Variants in LRP1B observed in about 807,000 individuals in gnomAD.
LRP1B encodes low-density lipoprotein receptor-related protein 1B.
A neutral mutation model predicts 556.6 loss-of-function variants in LRP1B; 217 were observed. That is an observed-to-expected ratio of 0.39 (90% confidence interval 0.35 to 0.44). LRP1B has a LOEUF of 0.44. Ranked by LOEUF, LRP1B falls within the 20% of genes least tolerant of loss-of-function variation. LRP1B has a pLI of 1.00. For missense variants in LRP1B, 5,053 were observed against 5,620.8 expected (o/e 0.90, Z 3.23); for synonymous variants, 2,047 against 1,865.8 (o/e 1.10, Z -2.50).
intron 11 of LRP1B, among the ~76,000 whole-genome samples, chr2:141,040,063 A>C (rs534843437): frequency 2.1e-4 from 32 of 152,192 alleles, no homozygotes; most frequent in African/African-American, 7.2e-4. Context: ...CATTGATCTC[A>C]AGAGTTGCAA....
At chr2:140,655,989 C>G (rs975268593) in intron 41 of LRP1B, among the ~76,000 whole-genome samples, 9 of 151,790 alleles carry the variant, frequency 5.9e-5, no homozygotes, top group Non-Finnish European at 1.3e-4. Flanking sequence ...TATCTCTTTA[C>G]TAGTTTAATT....
At chr2:142,051,295 A>C (rs191256576) in intron 1 of LRP1B, among the ~76,000 whole-genome samples, 171 of 152,140 alleles carry the variant, frequency 1.1e-3, no homozygotes, top group African/African-American at 3.7e-3. Flanking sequence ...GTACATTTTA[A>C]ATGTGGAATC....
chr2:141,570,654 TC>T (rs1381393936), intron 2 of LRP1B, among the ~76,000 whole-genome samples: 3 of 151,100 alleles, frequency 2.0e-5, no homozygotes, highest in African/African-American at 7.2e-5. Context: ...CAAGCTAAGC[TC>T]CCCGGTTGGG....
chr2:142,126,173 G>T (rs1440356097), intron 1 of LRP1B, among the ~76,000 whole-genome samples: 3 of 151,744 alleles, frequency 2.0e-5, no homozygotes, highest in Non-Finnish European at 3.0e-5. Flanking sequence ...CACACAGTCA[G>T]ATTCTGTTAA....
chr2:141,171,584 G>A (rs1680499892), intron 7 of LRP1B, among the ~76,000 whole-genome samples: 1 of 151,934 alleles, frequency 6.6e-6, no homozygotes, highest in African/African-American at 2.4e-5. Flanking sequence ...CAGTCTTCTG[G>A]ATGAATGCTG....
At chr2:141,218,636 G>A (rs969753949) in intron 6 of LRP1B, among the ~76,000 whole-genome samples, 2 of 152,060 alleles carry the variant, frequency 1.3e-5, no homozygotes, top group Admixed American at 6.6e-5. Context: ...GAAGGGAAGG[G>A]GTAAAGGGAA....
At chr2:141,847,220 A>G (rs930960208) in intron 1 of LRP1B, among the ~76,000 whole-genome samples, 1 of 151,582 alleles carries the variant, frequency 6.6e-6, no homozygotes, top group Non-Finnish European at 1.5e-5. Context: ...TCCATTTACT[A>G]TAACAACAAA....
intron 6 of LRP1B, among the ~76,000 whole-genome samples, chr2:141,193,222 C>T (rs78876906): frequency 6.6e-6 from 1 of 151,972 alleles, no homozygotes; most frequent in Non-Finnish European, 1.5e-5. Flanking sequence ...CCCAGCAATC[C>T]CATTACTGTG....
chr2:140,435,603 G>A (rs557797675), intron 66 of LRP1B, among the ~76,000 whole-genome samples: 127 of 151,538 alleles, frequency 8.4e-4, no homozygotes, highest in Non-Finnish European at 1.5e-3. Context: ...GACTCATTGT[G>A]TAGGCTCCTT....
At chr2:142,050,383 C>T (rs1480902756) in intron 1 of LRP1B, among the ~76,000 whole-genome samples, 1 of 151,818 alleles carries the variant, frequency 6.6e-6, no homozygotes, top group Admixed American at 6.6e-5. Context: ...TGTGTGTAAG[C>T]CATAAAAGTT....
rs1057182546 is a variant in LRP1B at position 140,327,370 on chromosome 2, A to AT, written c.12224-1493dup. ...TTTGTTCCTCAAGTAATGTATAGAG[A>AT]TGTATCATGCCTGACCAGATCCTGA... On this transcript the variant is annotated intron_variant, in intron 79 of 90. Transcript: ENST00000389484. Among the ~76,000 whole-genome samples, 48 of 152,124 alleles carry AT rather than the reference A, an allele frequency of 3.2e-4. 1 individual carries two copies. Among genetic ancestry groups the AT allele is most frequent in the Admixed American group, 4.6e-4 (7 of 15,250 alleles).
intron 1 of LRP1B, among the ~76,000 whole-genome samples, chr2:141,847,377 C>A (rs1401311167): frequency 6.6e-6 from 1 of 151,468 alleles, no homozygotes; most frequent in Non-Finnish European, 1.5e-5. Flanking sequence ...CTCATCAAAT[C>A]AATTTATAAA....
chr2:140,945,964 C>T (rs1329394579), intron 20 of LRP1B, among the ~76,000 whole-genome samples: 2 of 151,986 alleles, frequency 1.3e-5, no homozygotes, highest in African/African-American at 4.8e-5. Flanking sequence ...ACACATCTGA[C>T]AAGGAACTAA....
At chr2:140,499,150 A>T (rs2104883398) in intron 55 of LRP1B, among the ~76,000 whole-genome samples, 1 of 152,044 alleles carries the variant, frequency 6.6e-6, no homozygotes, top group Admixed American at 6.6e-5. Flanking sequence ...GAATGTTTCA[A>T]GATACTTAAA....
At position 140,492,655 on chromosome 2, in the gene LRP1B, T is replaced by A. The variant is rs1179508823; in HGVS notation, c.9073A>T (p.Ile3025Leu). The A allele has an allele frequency of 1.2e-6, 2 of 1,613,700 alleles. No homozygotes were observed. The highest frequency in any genetic ancestry group is 3.3e-5 in the Admixed American group (2 of 60,010). Residue 3025 changes from isoleucine (I) to leucine (L), a missense_variant, in exon 57 of 91, where the codon ATA (isoleucine) becomes TTA (leucine). This residue lies in a region of LRP1B where 3,619 missense variants were observed against 3,931.9 expected (regional missense o/e 0.92). Coordinates refer to ENST00000389484, the MANE Select transcript of LRP1B (RefSeq NM_018557.3). ...PFLILADHHE[I>L]RKISTDGSNY... The stretch of plus-strand genomic sequence containing the variant: ...GAGCCATCAGTGCTAATTTTCCTTA[T>A]CTCATGATGATCAGCAAGAATTAAA...
intron 7 of LRP1B, among the ~76,000 whole-genome samples, chr2:141,162,402 G>T (rs1208670099): frequency 1.3e-5 from 2 of 151,948 alleles, no homozygotes; most frequent in Non-Finnish European, 2.9e-5. Flanking sequence ...AACAGTCCCT[G>T]GAGTCTTCCT....
intron 3 of LRP1B, among the ~76,000 whole-genome samples, chr2:141,450,190 C>T (rs1011368931): frequency 2.6e-5 from 4 of 152,164 alleles, no homozygotes; most frequent in African/African-American, 9.7e-5. Context: ...AAGCATTGCA[C>T]ACTTTCTATC....
chr2:140,877,705 G>A (rs926592052), intron 25 of LRP1B, among the ~76,000 whole-genome samples: 3 of 152,050 alleles, frequency 2.0e-5, no homozygotes, highest in Admixed American at 6.6e-5. Flanking sequence ...TGACCTGGAG[G>A]CCCCCTCACT....
intron 43 of LRP1B, among the ~76,000 whole-genome samples, chr2:140,597,226 T>G (rs966354314): frequency 1.3e-5 from 2 of 152,062 alleles, no homozygotes; most frequent in African/African-American, 4.8e-5. Context: ...AAATGATGAG[T>G]TGCAATTAAA....
Sources: gnomAD v4.1 joint callset for allele counts (sites outside exome capture counted in the v4.1 genomes callset) on GRCh38, gnomAD v4.1.1 for gene constraint, gnomAD v4.1.1 regional missense constraint, MANE v1.5 for transcripts, NCBI Gene and HGNC (gene_info 2026-07-23, HGNC 2026-07-21) for gene names.